PSMD14: variants seen among roughly 807,000 people sequenced by gnomAD.
PSMD14 encodes the protein ubiquitin C-terminal hydrolase PSMD14.
PSMD14 carries 7 observed loss-of-function variants against 41.2 expected under a neutral mutation model. That is an observed-to-expected ratio of 0.17 (90% CI 0.10 to 0.32). PSMD14 has a LOEUF of 0.32. Among genes scored for constraint, PSMD14 ranks in the 10% least tolerant of loss-of-function variants. The pLI is 1.00. For missense variants in PSMD14, 139 were observed against 375.6 expected (o/e 0.37, Z 5.21); for synonymous variants, 114 against 122.3 (o/e 0.93, Z 0.45).
At chr2:161,355,497 G>GA (rs1457813823) in intron 3 of PSMD14, among the ~76,000 whole-genome samples, 1 of 152,010 alleles carries the variant, frequency 6.6e-6, no homozygotes, top group African/African-American at 2.4e-5. Context: ...TGTAGCATTT[G>GA]AAAAGCAATG....
At chr2:161,389,756 T>C (rs1446746470) in intron 8 of PSMD14, among the ~76,000 whole-genome samples, 1 of 151,820 alleles carries the variant, frequency 6.6e-6, no homozygotes. Flanking sequence ...TGACATGTAT[T>C]GTGGCATAGT....
chr2:161,341,788 G>A (rs1682965362), intron 3 of PSMD14, among the ~76,000 whole-genome samples: 1 of 146,308 alleles, frequency 6.8e-6, no homozygotes, highest in African/African-American at 2.5e-5. Context: ...GCAGTGAGCC[G>A]AGATCAGCCA....
chr2:161,405,290 C>T (rs1420962470), intron 10 of PSMD14, among the ~76,000 whole-genome samples: 2 of 152,156 alleles, frequency 1.3e-5, no homozygotes, highest in East Asian at 3.9e-4. Flanking sequence ...CTGACTCTCC[C>T]TCTGTTTCCC....
At chr2:161,310,898 G>A (rs1245654911) in intron 1 of PSMD14, among the ~76,000 whole-genome samples, 6 of 152,118 alleles carry the variant, frequency 3.9e-5, no homozygotes, top group African/African-American at 1.2e-4. Flanking sequence ...CACCTGCCCC[G>A]ATAGATTATA....
intron 7 of PSMD14, among the ~76,000 whole-genome samples, chr2:161,376,868 T>C (rs2105260512): frequency 6.6e-6 from 1 of 152,112 alleles, no homozygotes; most frequent in South Asian, 2.1e-4. Context: ...AATCGAGGAA[T>C]GAATTTGCAT....
At chr2:161,310,245 G>T (rs1689073267) in intron 1 of PSMD14, among the ~76,000 whole-genome samples, 1 of 152,166 alleles carries the variant, frequency 6.6e-6, no homozygotes, top group African/African-American at 2.4e-5. Context: ...TTAATATATA[G>T]TTTGTGAACC....
intron 10 of PSMD14, among the ~76,000 whole-genome samples, chr2:161,401,355 C>G (rs138442910): frequency 2.6e-5 from 4 of 152,328 alleles, no homozygotes; most frequent in Admixed American, 2.0e-4. Context: ...TCACCTGTGA[C>G]GGGTTAGCAC....
chr2:161,390,194 G>A (rs1448850755), intron 8 of PSMD14, among the ~76,000 whole-genome samples: 1 of 151,908 alleles, frequency 6.6e-6, no homozygotes, highest in African/African-American at 2.4e-5. Flanking sequence ...GACCTACATT[G>A]TAAAAGTCTA....
rs536179152 is a variant in PSMD14 at position 161,334,531 on chromosome 2, G to A, written c.48+15658G>A. ...ATGTAGAAATTAAGTAAATTATTCA[G>A]TATATTAAGACATTTTTTAAAAAGT... is the stretch of plus-strand genomic sequence containing the variant. On this transcript the variant is annotated intron_variant, in intron 3 of 11. Coordinates refer to ENST00000409682, the MANE Select transcript of PSMD14 (RefSeq NM_005805.6). 2.6e-5 allele frequency among the ~76,000 whole-genome samples: 4 copies of A among 152,288 alleles called. No individual in the cohort carries two copies. In the East Asian group the frequency reaches 7.7e-4, roughly 29 times the overall value.
chr2:161,405,393 T>C (rs1245230004), intron 10 of PSMD14, among the ~76,000 whole-genome samples: 2 of 152,218 alleles, frequency 1.3e-5, no homozygotes, highest in African/African-American at 4.8e-5. Context: ...TGTTTTACAC[T>C]GCATTATGAT....
At chr2:161,308,880 A>T (rs111409374) in intron 1 of PSMD14, 1 of 152,134 alleles carries the variant, frequency 6.6e-6, no homozygotes, top group African/African-American at 2.4e-5. Context: ...ATCCTTGTTT[A>T]TGGCCTGTTT....
intron 3 of PSMD14, among the ~76,000 whole-genome samples, chr2:161,353,950 A>G (rs1156900240): frequency 6.6e-6 from 1 of 152,236 alleles, no homozygotes; most frequent in Admixed American, 6.5e-5. Flanking sequence ...CAAAATAACC[A>G]GTTAATTTAT....
intron 11 of PSMD14, among the ~76,000 whole-genome samples, chr2:161,409,826 C>G (rs903882283): frequency 2.6e-5 from 4 of 151,926 alleles, no homozygotes; most frequent in Non-Finnish European, 5.9e-5. Context: ...AAAACAAGTA[C>G]CCTCAAAAAG....
intron 3 of PSMD14, among the ~76,000 whole-genome samples, chr2:161,355,493 A>G (rs982836273): frequency 1.3e-5 from 2 of 152,158 alleles, no homozygotes; most frequent in Non-Finnish European, 2.9e-5. Flanking sequence ...TAAATGTAGC[A>G]TTTGAAAAGC....
intron 8 of PSMD14, among the ~76,000 whole-genome samples, chr2:161,385,873 A>T (rs1683628373): frequency 6.6e-6 from 1 of 151,782 alleles, no homozygotes; most frequent in African/African-American, 2.4e-5. Flanking sequence ...AGAAGGACCA[A>T]TAGGAGTTTC....
intron 1 of PSMD14, among the ~76,000 whole-genome samples, chr2:161,312,370 C>G (rs549936062): frequency 1.3e-5 from 2 of 152,272 alleles, no homozygotes; most frequent in African/African-American, 4.8e-5. Context: ...TCTTGAACCC[C>G]TGACCTCAAG....
intron 3 of PSMD14, among the ~76,000 whole-genome samples, chr2:161,330,723 T>C (rs776595526): frequency 2.7e-4 from 41 of 152,222 alleles, no homozygotes; most frequent in Non-Finnish European, 4.8e-4. Context: ...TCAGTGCTGC[T>C]TTTTAAGCTG....
chr2:161,336,364 G>C (rs1682870331), intron 3 of PSMD14, among the ~76,000 whole-genome samples: 1 of 152,148 alleles, frequency 6.6e-6, no homozygotes. Context: ...ATATTGGTCG[G>C]AAACAAGGAA....
intron 3 of PSMD14, among the ~76,000 whole-genome samples, chr2:161,344,129 C>T (rs1683008154): frequency 1.4e-5 from 2 of 140,120 alleles, no homozygotes; most frequent in Non-Finnish European, 3.1e-5. Context: ...GGGTGGGGAG[C>T]GGTGGGGGGA....
Sources: allele counts gnomAD v4.1 joint callset (sites outside exome capture counted in the v4.1 genomes callset), GRCh38; gene constraint gnomAD v4.1.1; transcripts MANE v1.5; gene names NCBI Gene and HGNC (gene_info 2026-07-23, HGNC 2026-07-21).